Variants in HS6ST3 observed in about 807,000 individuals in gnomAD.
HS6ST3 encodes the protein heparan-sulfate 6-O-sulfotransferase 3.
Under a neutral mutation model 36.7 loss-of-function variants are expected in HS6ST3, and 12 were observed. The ratio of observed to expected loss-of-function variants is 0.33; its 90% CI spans 0.21 to 0.53. The LOEUF (loss-of-function observed/expected upper bound fraction) is 0.53, where lower values mean the gene tolerates loss of function less well. HS6ST3 is among the 20% of genes least tolerant of loss of function. The pLI, the probability that HS6ST3 is intolerant of heterozygous loss-of-function variation, is 0.95. For missense variants in HS6ST3, 584 were observed against 640.9 expected, an observed-to-expected ratio of 0.91 and a Z score of 0.96; for synonymous variants, 240 against 257.5, an observed-to-expected ratio of 0.93 and a Z score of 0.65.
chr13:96,800,002 ATATATATATATG>A (rs1878026831), intron 1 of HS6ST3, among the ~76,000 whole-genome samples: 2 of 120,488 alleles, frequency 1.7e-5, no homozygotes, highest in Non-Finnish European at 3.4e-5. Context: ...ATATATGTAT[ATATATATATATG>A]TATATATATA....
intron 1 of HS6ST3, among the ~76,000 whole-genome samples, chr13:96,691,214 A>C (rs899841078): frequency 2.5e-4 from 38 of 152,266 alleles, no homozygotes; most frequent in African/African-American, 9.1e-4. Flanking sequence ...CATGATTGAT[A>C]AGTTGTCACA....
intron 1 of HS6ST3, among the ~76,000 whole-genome samples, chr13:96,595,880 A>T (rs1475676185): frequency 6.6e-6 from 1 of 151,668 alleles, no homozygotes; most frequent in Non-Finnish European, 1.5e-5. Context: ...TTTAAAAAAA[A>T]TTCCAAGCTC....
rs1878959786 is a variant in HS6ST3 at position 96,837,639 on chromosome 13, C to T, written c.*4441C>T. ...CAAGTTTACTCTCAGCTCCCTACCT[C>T]CAGTGAGGGGGCCTCTTATTAGGAA... On this transcript the variant is annotated 3_prime_UTR_variant, in exon 2 of 2. Coordinates refer to ENST00000376705, the MANE Select transcript of HS6ST3 (RefSeq NM_153456.4). 1 of 152,152 alleles carries T rather than the reference C, an allele frequency of 6.6e-6. No homozygotes were observed. The allele number at this position is 152,152 out of a possible 1,614,324, so 9.4% of individuals were successfully genotyped here. A position where few individuals can be genotyped will look rare whatever the true frequency, so the allele number is the denominator to read the frequency against.
intron 1 of HS6ST3, among the ~76,000 whole-genome samples, chr13:96,219,947 G>A (rs1207994667): frequency 6.6e-6 from 1 of 152,190 alleles, no homozygotes; most frequent in Non-Finnish European, 1.5e-5. Context: ...CTCCCAAAGT[G>A]TTGGGATTAC....
Position 96,628,493 on chromosome 13 carries a change from A to G in HS6ST3, c.708-203997A>G, listed in dbSNP as rs561493416. Reference sequence around the variant, plus strand: ...GCTATATTCTAAAATCATTTCATCCATTTAAATCAAATTGATGCTGTCCAA... The same window carrying G: ...GCTATATTCTAAAATCATTTCATCCGTTTAAATCAAATTGATGCTGTCCAA... On this transcript the variant is annotated intron_variant, in intron 1 of 1. Transcript: ENST00000376705. Among the ~76,000 whole-genome samples the G allele has an allele frequency of 4.6e-5, 7 of 152,120 alleles. No homozygotes were observed. In the South Asian group the frequency reaches 6.2e-4, roughly 13 times the overall value.
Position 96,108,899 on chromosome 13 carries a change from T to G in HS6ST3, c.707+17330T>G, listed in dbSNP as rs565988019. On this transcript the variant is annotated intron_variant, in intron 1 of 1. Coordinates refer to ENST00000376705, the MANE Select transcript of HS6ST3 (RefSeq NM_153456.4). Reference sequence around the variant, plus strand: ...CAGGTGCATGGGAACTCCAGGACAGTAAGGAGGTCACAGGGCAGCATTCCA... The same window carrying G: ...CAGGTGCATGGGAACTCCAGGACAGGAAGGAGGTCACAGGGCAGCATTCCA... Among the ~76,000 whole-genome samples the G allele has an allele frequency of 2.0e-5, 3 of 152,214 alleles. No homozygotes were observed. The South Asian group carries it at 6.2e-4, about 32-fold the overall frequency.
At chr13:96,524,416 GTC>G (rs1451544443) in intron 1 of HS6ST3, among the ~76,000 whole-genome samples, 1 of 152,234 alleles carries the variant, frequency 6.6e-6, no homozygotes, top group Non-Finnish European at 1.5e-5. Context: ...GGATGTTTAA[GTC>G]TGGAGAAGCT....
chr13:96,687,560 A>T (rs1193208319), intron 1 of HS6ST3, among the ~76,000 whole-genome samples: 1 of 152,026 alleles, frequency 6.6e-6, no homozygotes, highest in Non-Finnish European at 1.5e-5. Context: ...CAACTCACAT[A>T]TAAGCAGATC....
chr13:96,174,588 T>C (rs2389528), intron 1 of HS6ST3, among the ~76,000 whole-genome samples: 140,496 of 152,164 alleles, frequency 0.92, 64,989 homozygotes, highest in African/African-American at 0.94. Context: ...TTTAAATGTA[T>C]ACCTATATAC....
At chr13:96,302,228 A>G (rs989333502) in intron 1 of HS6ST3, among the ~76,000 whole-genome samples, 1 of 152,124 alleles carries the variant, frequency 6.6e-6, no homozygotes, top group Non-Finnish European at 1.5e-5. Context: ...AGAATTTACC[A>G]TCAGGAAGTA....
At chr13:96,587,367 T>C (rs1025583678) in intron 1 of HS6ST3, among the ~76,000 whole-genome samples, 2 of 152,172 alleles carry the variant, frequency 1.3e-5, no homozygotes, top group African/African-American at 2.4e-5. Context: ...AGGGATTGCA[T>C]TGAATTTGTA....
At chr13:96,707,008 C>G (rs933620219) in intron 1 of HS6ST3, among the ~76,000 whole-genome samples, 2 of 152,164 alleles carry the variant, frequency 1.3e-5, no homozygotes, top group Admixed American at 1.3e-4. Flanking sequence ...ATACAACATG[C>G]AAACACACAT....
chr13:96,593,174 CTTTTTTTTT>C (rs35380296), intron 1 of HS6ST3, among the ~76,000 whole-genome samples: 8 of 46,622 alleles, frequency 1.7e-4, no homozygotes, highest in Non-Finnish European at 2.1e-4. Flanking sequence ...TTCTTTCTTT[CTTTTTTTTT>C]TTTTTTTTTT....
At chr13:96,102,742 C>T (rs1251466894) in intron 1 of HS6ST3, among the ~76,000 whole-genome samples, 1 of 152,164 alleles carries the variant, frequency 6.6e-6, no homozygotes, top group Admixed American at 6.5e-5. Context: ...TTAATTTCTT[C>T]CTAATAAGAT....
At chr13:96,354,048 T>A (rs1594760878) in intron 1 of HS6ST3, among the ~76,000 whole-genome samples, 2 of 152,308 alleles carry the variant, frequency 1.3e-5, no homozygotes, top group East Asian at 1.9e-4. Flanking sequence ...TCCCATGTGC[T>A]TAAAGATATA....
intron 1 of HS6ST3, among the ~76,000 whole-genome samples, chr13:96,384,899 G>T (rs1465304392): frequency 6.6e-6 from 1 of 152,096 alleles, no homozygotes; most frequent in Non-Finnish European, 1.5e-5. Context: ...GGGTTCTTTG[G>T]CCGGGCACAG....
intron 1 of HS6ST3, among the ~76,000 whole-genome samples, chr13:96,651,874 G>T (rs1054183093): frequency 2.6e-5 from 4 of 152,010 alleles, no homozygotes; most frequent in African/African-American, 9.7e-5. Context: ...TCTTCAGTTA[G>T]TATATGTGTA....
At chr13:96,215,107 T>C (rs527952039) in intron 1 of HS6ST3, among the ~76,000 whole-genome samples, 2 of 152,282 alleles carry the variant, frequency 1.3e-5, no homozygotes, top group South Asian at 4.1e-4. Context: ...ATGAGGATGG[T>C]GATAAAGGCA....
At chr13:96,701,228 A>G (rs929724727) in intron 1 of HS6ST3, among the ~76,000 whole-genome samples, 21 of 152,208 alleles carry the variant, frequency 1.4e-4, no homozygotes, top group African/African-American at 4.6e-4. Context: ...GGTGCAGTGT[A>G]TGATTAAAAC....
Sources: gnomAD v4.1 joint callset for allele counts (sites outside exome capture counted in the v4.1 genomes callset) on GRCh38, gnomAD v4.1.1 for gene constraint, MANE v1.5 for transcripts, NCBI Gene and HGNC (gene_info 2026-07-23, HGNC 2026-07-21) for gene names.